The following PDIA5 variants were observed in gnomAD, a reference collection of about 807,000 sequenced individuals.
PDIA5 encodes protein disulfide isomerase family A member 5.
PDIA5 carries 58 observed loss-of-function variants against 77.6 expected under a neutral mutation model. The ratio of observed to expected loss-of-function variants is 0.75; its 90% CI spans 0.61 to 0.93. The LOEUF (loss-of-function observed/expected upper bound fraction) is 0.93. Ranked by LOEUF, PDIA5 falls within the 40% of genes least tolerant of loss-of-function variation. PDIA5 has a pLI of 0.00. For missense variants in PDIA5, 630 were observed against 647.7 expected, an observed-to-expected ratio of 0.97 and a Z score of 0.30; for synonymous variants, 250 against 252.1, an observed-to-expected ratio of 0.99 and a Z score of 0.08.
chr3:123,152,127 G>GCCTGCCTT (rs1935928912), intron 14 of PDIA5, among the ~76,000 whole-genome samples: 1 of 107,086 alleles, frequency 9.3e-6, no homozygotes, highest in Non-Finnish European at 1.9e-5. Flanking sequence ...CTTCCTTCCT[G>GCCTGCCTT]CCTTCCTTCC....
intron 15 of PDIA5, among the ~76,000 whole-genome samples, chr3:123,155,698 G>T (rs901785193): frequency 3.3e-5 from 5 of 152,228 alleles, no homozygotes; most frequent in African/African-American, 1.2e-4. Flanking sequence ...GAGCACTGGT[G>T]CAGAGGACTG....
Position 123,150,874 on chromosome 3 carries a change from C to T in PDIA5, c.1273+510C>T, listed in dbSNP as rs534209941. Reference sequence around the variant, plus strand: ...TCAAGCTGAGGAAGTGACACGTCTGCCGACATTGGCATCGGTGACCTCAGG... The same window carrying T: ...TCAAGCTGAGGAAGTGACACGTCTGTCGACATTGGCATCGGTGACCTCAGG... On this transcript the variant is annotated intron_variant, in intron 14 of 16. Coordinates refer to ENST00000316218, the MANE Select transcript of PDIA5 (RefSeq NM_006810.4). Among the ~76,000 whole-genome samples the T allele has an allele frequency of 3.9e-5, 6 of 152,340 alleles. No homozygotes were observed. The South Asian group carries it at 1.2e-3, about 32-fold the overall frequency.
intron 1 of PDIA5, among the ~76,000 whole-genome samples, chr3:123,078,227 C>T (rs1933906867): frequency 6.6e-6 from 1 of 152,102 alleles, no homozygotes; most frequent in Non-Finnish European, 1.5e-5. Context: ...AAAACCAAAC[C>T]ACGCAATGTC....
chr3:123,101,306 T>C (rs1384119972), intron 3 of PDIA5, among the ~76,000 whole-genome samples: 1 of 152,210 alleles, frequency 6.6e-6, no homozygotes, highest in Non-Finnish European at 1.5e-5. Context: ...GGCTGATAAT[T>C]TGCATTTCCA....
chr3:123,108,373 G>A (rs1227067431), intron 6 of PDIA5, among the ~76,000 whole-genome samples: 1 of 149,424 alleles, frequency 6.7e-6, no homozygotes, highest in Non-Finnish European at 1.5e-5. Context: ...CTCTGCCTCT[G>A]GGGTTCAAGC....
intron 7 of PDIA5, 102 bp from the exon 8 acceptor site, chr3:123,116,129 A>G: frequency 1.1e-6 from 1 of 903,864 alleles, no homozygotes; most frequent in Non-Finnish European, 1.9e-6. Context: ...AAGGCTGGAT[A>G]AGTGCTTGTT....
chr3:123,091,464 C>T (rs748979024), intron 2 of PDIA5, among the ~76,000 whole-genome samples: 88 of 152,166 alleles, frequency 5.8e-4, no homozygotes, highest in Non-Finnish European at 1.2e-3. Flanking sequence ...CAGGAGCCTG[C>T]TGGCCACAGG....
chr3:123,080,147 GGT>G (rs201104280), intron 1 of PDIA5, among the ~76,000 whole-genome samples: 9 of 151,718 alleles, frequency 5.9e-5, no homozygotes, highest in South Asian at 2.1e-4. Flanking sequence ...CTGACAGATG[GGT>G]GTGTGTGTGG....
chr3:123,101,461 T>A (rs971892893), intron 3 of PDIA5, among the ~76,000 whole-genome samples: 1 of 152,184 alleles, frequency 6.6e-6, no homozygotes, highest in African/African-American at 2.4e-5. Flanking sequence ...GCATTTCTTA[T>A]TGGAAGAGAG....
rs747923464 is a variant in PDIA5, at chr3:123,102,408, C to G, written c.258-3C>G. ...AATGGTTCCCAACATTTGTGTCTTC[C>G]AGTGATGCAGAGAGTAGAAAATTGT... is the stretch of plus-strand genomic sequence containing the variant. On this transcript the variant is annotated splice_polypyrimidine_tract_variant and splice_region_variant and intron_variant, in intron 3 of 16. Transcript: ENST00000316218. 2 of 1,611,676 alleles carry G rather than the reference C, an allele frequency of 1.2e-6. No homozygotes were observed. Among genetic ancestry groups the G allele is most frequent in the Non-Finnish European group, 1.7e-6 (2 of 1,177,784 alleles).
chr3:123,150,156 G>A, intron 13 of PDIA5, 78 bp from the exon 14 acceptor site: 1 of 1,004,908 alleles, frequency 1.0e-6, no homozygotes, highest in Non-Finnish European at 1.5e-6. Context: ...GAGTGGTTGG[G>A]ACATTGAGGG....
rs952832959 is a variant in PDIA5 at position 123,101,843 on chromosome 3, C to A, written c.258-568C>A. 3.3e-5 allele frequency among the ~76,000 whole-genome samples: 5 copies of A among 151,272 alleles called. No individual in the cohort carries two copies. In the South Asian group the frequency reaches 1.0e-3, roughly 32 times the overall value. On this transcript the variant is annotated intron_variant, in intron 3 of 16. Coordinates refer to ENST00000316218, the MANE Select transcript of PDIA5 (RefSeq NM_006810.4). ...CTTTGTCTGGACCTGTCTGTGTTGC[C>A]ACCCACAAGTTGTGACACACATGCT...
chr3:123,130,712 T>G (rs1402092213), intron 11 of PDIA5, 96 bp downstream of exon 11: 1 of 1,414,268 alleles, frequency 7.1e-7, no homozygotes, highest in Non-Finnish European at 9.8e-7. Context: ...AAGCACTTAT[T>G]TTTTGGATGC....
chr3:123,146,731 C>T (rs1179238316), intron 13 of PDIA5, among the ~76,000 whole-genome samples: 1 of 152,182 alleles, frequency 6.6e-6, no homozygotes, highest in African/African-American at 2.4e-5. Flanking sequence ...TATTAGTTTG[C>T]TAGTGTTGCC....
At chr3:123,117,374 T>TATATATATATATATATATA (rs1935019779) in intron 8 of PDIA5, among the ~76,000 whole-genome samples, 5 of 79,868 alleles carry the variant, frequency 6.3e-5, no homozygotes, top group African/African-American at 1.4e-4. Flanking sequence ...TTCTATGATT[T>TATATATATATATATATATA]TATATATATA....
chr3:123,154,864 G>A (rs959875128), intron 14 of PDIA5, 107 bp from the exon 15 acceptor site: 1 of 760,018 alleles, frequency 1.3e-6, no homozygotes, highest in Non-Finnish European at 2.4e-6. Context: ...CGGGCAGTGG[G>A]GAGCTCCTGG....
chr3:123,129,744 C>A (rs1410857627), intron 10 of PDIA5, among the ~76,000 whole-genome samples: 1 of 152,174 alleles, frequency 6.6e-6, no homozygotes, highest in Non-Finnish European at 1.5e-5. Context: ...CACACAGTCA[C>A]GCTGCGGAAA....
intron 14 of PDIA5, 40 bp downstream of exon 14, chr3:123,150,404 G>A (rs374872957): frequency 6.3e-7 from 1 of 1,585,732 alleles, no homozygotes; most frequent in African/African-American, 1.4e-5. Context: ...ACAGTAAGAG[G>A]GGTTTGGCCC....
At chr3:123,151,827 GCCTT>G (rs1935908873) in intron 14 of PDIA5, among the ~76,000 whole-genome samples, 1 of 130,058 alleles carries the variant, frequency 7.7e-6, no homozygotes, top group African/African-American at 3.0e-5. Context: ...CTGCCTGCCT[GCCTT>G]CCTGCCTGCC....
Sources: gnomAD v4.1 joint callset for allele counts (sites outside exome capture counted in the v4.1 genomes callset) on GRCh38, gnomAD v4.1.1 for gene constraint, MANE v1.5 for transcripts, NCBI Gene and HGNC (gene_info 2026-07-23, HGNC 2026-07-21) for gene names.